COG5: variants seen among roughly 807,000 people sequenced by gnomAD.
COG5 encodes conserved oligomeric Golgi complex subunit 5.
Under a neutral mutation model 110.4 loss-of-function variants are expected in COG5, and 86 were observed. The observed-to-expected ratio is 0.78, with a 90% CI of 0.65 to 0.93. COG5 has a LOEUF of 0.93. Among genes scored for constraint, COG5 ranks in the 40% least tolerant of loss-of-function variants. COG5 has a pLI of 0.00. For synonymous variants in COG5, 360 were observed against 334.6 expected (o/e 1.08, Z -0.83); for missense variants, 1,077 against 987.0 (o/e 1.09, Z -1.22).
intron 5 of COG5, among the ~76,000 whole-genome samples, chr7:107,544,223 G>T (rs1273706779): frequency 1.3e-5 from 2 of 151,860 alleles, no homozygotes; most frequent in African/African-American, 4.8e-5. Flanking sequence ...CACCCCCATG[G>T]TCCCAGGTGC....
At chr7:107,287,292 T>C (rs1805722168) in intron 12 of COG5, among the ~76,000 whole-genome samples, 1 of 152,174 alleles carries the variant, frequency 6.6e-6, no homozygotes, top group Non-Finnish European at 1.5e-5. Flanking sequence ...AATGTTCTTG[T>C]TTAAGTGGCT....
intron 6 of COG5, among the ~76,000 whole-genome samples, chr7:107,442,288 TA>T (rs1794751234): frequency 6.6e-6 from 1 of 152,188 alleles, no homozygotes; most frequent in Admixed American, 6.5e-5. Context: ...ACCATGATTA[TA>T]AGTCTCCTGA....
At chr7:107,384,745 G>C (rs911644735) in intron 7 of COG5, among the ~76,000 whole-genome samples, 6 of 152,186 alleles carry the variant, frequency 3.9e-5, no homozygotes, top group African/African-American at 1.4e-4. Flanking sequence ...GCAGGACACA[G>C]CAAGAAGGCG....
At chr7:107,427,485 C>CA (rs1218928011) in intron 6 of COG5, among the ~76,000 whole-genome samples, 4 of 151,904 alleles carry the variant, frequency 2.6e-5, no homozygotes, top group Admixed American at 2.0e-4. Context: ...TTGTATTATG[C>CA]AAAAAAAGAT....
intron 19 of COG5, among the ~76,000 whole-genome samples, chr7:107,214,139 T>C (rs1470425854): frequency 6.6e-6 from 1 of 152,224 alleles, no homozygotes; most frequent in East Asian, 1.9e-4. Context: ...AAAAATTAAA[T>C]AGCAAGTTTT....
At chr7:107,454,798 A>G (rs935519381) in intron 6 of COG5, among the ~76,000 whole-genome samples, 2 of 152,150 alleles carry the variant, frequency 1.3e-5, no homozygotes, top group Admixed American at 6.5e-5. Context: ...GATGCCTGCA[A>G]CACAATGTGC....
At chr7:107,206,915 G>A (rs1296401526) in intron 21 of COG5, among the ~76,000 whole-genome samples, 13 of 152,142 alleles carry the variant, frequency 8.5e-5, no homozygotes, top group African/African-American at 3.1e-4. Flanking sequence ...GTCAGGCCAA[G>A]TGTTATGTAA....
At chr7:107,382,101 C>T (rs191183766) in intron 7 of COG5, among the ~76,000 whole-genome samples, 6 of 152,252 alleles carry the variant, frequency 3.9e-5, no homozygotes, top group Admixed American at 3.9e-4. Flanking sequence ...GTGCAGAGTC[C>T]ATAAAAGTCC....
chr7:107,442,537 C>T (rs1267536950), intron 6 of COG5, among the ~76,000 whole-genome samples: 2 of 150,142 alleles, frequency 1.3e-5, no homozygotes, highest in African/African-American at 4.9e-5. Context: ...AACATCAGCC[C>T]AACAGTATGT....
intron 3 of COG5, among the ~76,000 whole-genome samples, chr7:107,553,601 A>G (rs752143443): frequency 2.6e-5 from 4 of 152,198 alleles, no homozygotes; most frequent in Non-Finnish European, 5.9e-5. Context: ...TGTAAAACAC[A>G]ATAGTAACAT....
At chr7:107,528,091 A>G (rs1800901290) in intron 5 of COG5, among the ~76,000 whole-genome samples, 1 of 150,860 alleles carries the variant, frequency 6.6e-6, no homozygotes, top group Admixed American at 6.6e-5. Flanking sequence ...TTATTTTCCT[A>G]ATCTTTTTTT....
At chr7:107,391,069 C>T (rs1251025236) in intron 7 of COG5, among the ~76,000 whole-genome samples, 2 of 151,760 alleles carry the variant, frequency 1.3e-5, no homozygotes, top group East Asian at 1.9e-4. Flanking sequence ...TGACCATCCA[C>T]GGATGCATGA....
intron 18 of COG5, among the ~76,000 whole-genome samples, chr7:107,233,740 G>C (rs897573711): frequency 1.3e-5 from 2 of 152,020 alleles, no homozygotes; most frequent in Admixed American, 1.3e-4. Context: ...TGAATTGATA[G>C]AACTTTCAGT....
intron 5 of COG5, among the ~76,000 whole-genome samples, chr7:107,546,221 T>A (rs888707479): frequency 3.3e-5 from 5 of 152,022 alleles, no homozygotes; most frequent in Admixed American, 3.3e-4. Context: ...GCAAAAGCAG[T>A]TCTAAGACGA....
At chr7:107,288,956 A>ATG in intron 12 of COG5, among the ~76,000 whole-genome samples, 2 of 102,282 alleles carry the variant, frequency 2.0e-5, no homozygotes, top group South Asian at 3.0e-4. Flanking sequence ...ATATATATAT[A>ATG]TATATATTTA....
At chr7:107,341,836 G>A (rs1268334906) in intron 10 of COG5, among the ~76,000 whole-genome samples, 1 of 152,096 alleles carries the variant, frequency 6.6e-6, no homozygotes, top group African/African-American at 2.4e-5. Flanking sequence ...ATAGGCAGAA[G>A]AATAAAACTG....
chr7:107,469,338 G>T (rs949796933), intron 6 of COG5, among the ~76,000 whole-genome samples: 3 of 151,980 alleles, frequency 2.0e-5, no homozygotes, highest in African/African-American at 7.2e-5. Context: ...GGTTATGAAA[G>T]GTGAAGACCA....
At chr7:107,563,513 G>A (rs911024003) in intron 1 of COG5, 14 of 472,830 alleles carry the variant, frequency 3.0e-5, no homozygotes, top group Non-Finnish European at 4.3e-5. Flanking sequence ...ACAGGGTTTG[G>A]GCTCCCGAAA....
At chr7:107,296,128 T>C (rs1442730613) in intron 12 of COG5, among the ~76,000 whole-genome samples, 1 of 151,512 alleles carries the variant, frequency 6.6e-6, no homozygotes, top group Non-Finnish European at 1.5e-5. Context: ...CCTACCTTCC[T>C]TCCTTCCTTC....
Sources: allele counts gnomAD v4.1 joint callset (sites outside exome capture counted in the v4.1 genomes callset), GRCh38; gene constraint gnomAD v4.1.1; transcripts MANE v1.5; gene names NCBI Gene and HGNC (gene_info 2026-07-23, HGNC 2026-07-21).